Variants in SLC30A6 observed in about 807,000 individuals in gnomAD.
SLC30A6 encodes the protein zinc transporter 6.
Under a neutral mutation model 63.0 loss-of-function variants are expected in SLC30A6, and 55 were observed. That is an observed-to-expected ratio of 0.87 (90% confidence interval 0.70 to 1.09). The LOEUF is 1.09. Ranked by LOEUF, SLC30A6 falls within the 50% of genes least tolerant of loss-of-function variation. SLC30A6 has a pLI of 0.00. For missense variants in SLC30A6, 587 were observed against 549.2 expected (o/e 1.07, Z -0.69); for synonymous variants, 224 against 186.1 (o/e 1.20, Z -1.66).
At chr2:32,211,157 T>C (rs1685222789) in intron 13 of SLC30A6, among the ~76,000 whole-genome samples, 1 of 152,218 alleles carries the variant, frequency 6.6e-6, no homozygotes, top group Non-Finnish European at 1.5e-5. Flanking sequence ...GGTCGCTTGC[T>C]CCTCGACTGT....
At position 32,216,473 on chromosome 2, in the gene SLC30A6, T is replaced by G. The variant is rs192178498; in HGVS notation, c.886-3740T>G. ...ATTGTTTGAACCCAGGAGGTGGAGG[T>G]TGCTGTGAGCTGACATTGCGCCACT... On this transcript the variant is annotated intron_variant, in intron 13 of 13. Transcript: ENST00000282587. Among the ~76,000 whole-genome samples the G allele has an allele frequency of 2.7e-3, 411 of 151,752 alleles. 5 individuals carry two copies. The highest frequency in any genetic ancestry group is 8.8e-3 in the Admixed American group (133 of 15,188).
chr2:32,174,424 C>G (rs1351607092), intron 3 of SLC30A6, among the ~76,000 whole-genome samples: 2 of 151,976 alleles, frequency 1.3e-5, no homozygotes, highest in African/African-American at 2.4e-5. Context: ...AAATCCTGAG[C>G]TCAAACGATC....
intron 8 of SLC30A6, among the ~76,000 whole-genome samples, chr2:32,195,181 C>T (rs1248822947): frequency 7.0e-6 from 1 of 142,848 alleles, no homozygotes. Flanking sequence ...CTCACTGCAA[C>T]CTCTGCCTCC....
chr2:32,203,168 A>G lies in SLC30A6; in HGVS notation c.666-1422A>G, dbSNP rs1039333460. The G allele has an allele frequency of 3.2e-6, 4 of 1,244,586 alleles. No individual in the cohort carries two copies. In the African/African-American group the frequency reaches 5.9e-5, roughly 18 times the overall value. The allele number at this position is 1,244,586 out of a possible 1,614,324, so 77.1% of individuals were successfully genotyped here. ...CTGCCTGTGGTTTGGACATTCCTGA[A>G]GTTGACCTGGTGATTCATGGTTCTC... On this transcript the variant is annotated intron_variant, in intron 10 of 13. Coordinates refer to ENST00000282587, the MANE Select transcript of SLC30A6 (RefSeq NM_017964.5).
At position 32,223,788 on chromosome 2, in the gene SLC30A6, G is replaced by A. The variant is rs1290820621; in HGVS notation, c.*3075G>A. On this transcript the variant is annotated 3_prime_UTR_variant, in exon 14 of 14. Transcript: ENST00000282587. ...TTTCTTTGTAAGGAAGGGTTATTTG[G>A]GGAAGTGTTGGAAAAAAGATTAGGG... 1 of 152,108 alleles carries A rather than the reference G, an allele frequency of 6.6e-6. No homozygotes were observed. Among genetic ancestry groups the A allele is most frequent in the East Asian group, 1.9e-4 (1 of 5,194 alleles). 9.4% of individuals were successfully genotyped at this position (152,108 alleles called of 1,614,324 possible).
chr2:32,170,080 G>C (rs961768995), intron 1 of SLC30A6, among the ~76,000 whole-genome samples: 1 of 151,752 alleles, frequency 6.6e-6, no homozygotes, highest in Non-Finnish European at 1.5e-5. Context: ...TATTACATTC[G>C]CCCATGAAAT....
At chr2:32,203,638 A>G (rs1340038119) in intron 10 of SLC30A6, 6 of 1,570,200 alleles carry the variant, frequency 3.8e-6, no homozygotes, top group East Asian at 2.2e-5. Context: ...AAAGCTGAGT[A>G]GTAATGCAGT....
At chr2:32,189,026 A>G (rs1683085579) in intron 5 of SLC30A6, among the ~76,000 whole-genome samples, 1 of 152,202 alleles carries the variant, frequency 6.6e-6, no homozygotes, top group Non-Finnish European at 1.5e-5. Flanking sequence ...GGACATTTAG[A>G]TGACTTTCAC....
chr2:32,195,369 T>A (rs145270529), intron 8 of SLC30A6, among the ~76,000 whole-genome samples: 182 of 152,302 alleles, frequency 1.2e-3, no homozygotes, highest in African/African-American at 4.3e-3. Flanking sequence ...TCCGGCCATG[T>A]CTGGCTTTTT....
At chr2:32,166,533 C>G (rs1380801399) in intron 1 of SLC30A6, among the ~76,000 whole-genome samples, 1 of 152,230 alleles carries the variant, frequency 6.6e-6, no homozygotes, top group Non-Finnish European at 1.5e-5. Context: ...GGTGTTTTCT[C>G]TCAAATTTGT....
chr2:32,185,355 CAA>C (rs35740497), intron 5 of SLC30A6, among the ~76,000 whole-genome samples: 11 of 112,350 alleles, frequency 9.8e-5, no homozygotes, highest in Admixed American at 9.5e-5. Flanking sequence ...GACCCTGTCT[CAA>C]AAAAAAAAAA....
chr2:32,167,531 A>G (rs903878717), intron 1 of SLC30A6, among the ~76,000 whole-genome samples: 16 of 151,912 alleles, frequency 1.1e-4, no homozygotes, highest in Non-Finnish European at 2.1e-4. Context: ...TCTGTTCTCT[A>G]TCGGCTGTCC....
intron 11 of SLC30A6, among the ~76,000 whole-genome samples, chr2:32,206,228 C>T (rs1377316784): frequency 2.6e-5 from 4 of 151,792 alleles, no homozygotes; most frequent in African/African-American, 4.8e-5. Context: ...GGTTAGATGA[C>T]GAGGTCAGGA....
At chr2:32,190,731 T>G (rs1683254662) in intron 5 of SLC30A6, among the ~76,000 whole-genome samples, 1 of 152,126 alleles carries the variant, frequency 6.6e-6, no homozygotes, top group African/African-American at 2.4e-5. Context: ...TTCAAGCAAT[T>G]CTCGTGCCTC....
chr2:32,210,535 A>C (rs921277089), intron 13 of SLC30A6, among the ~76,000 whole-genome samples: 6 of 132,740 alleles, frequency 4.5e-5, no homozygotes, highest in South Asian at 2.4e-4. Context: ...AAAAAAAAAA[A>C]AAACAACAGA....
intron 10 of SLC30A6, among the ~76,000 whole-genome samples, chr2:32,199,459 G>C (rs973589941): frequency 6.6e-6 from 1 of 151,686 alleles, no homozygotes; most frequent in African/African-American, 2.4e-5. Flanking sequence ...TATATTTATG[G>C]GGTACATGAG....
At chr2:32,192,783 T>A (rs1683448269) in intron 6 of SLC30A6, 135 bp from the exon 7 acceptor site, 1 of 537,272 alleles carries the variant, frequency 1.9e-6, no homozygotes, top group Non-Finnish European at 3.2e-6. Flanking sequence ...TCTCCTTGCC[T>A]CATCACTGCT....
chr2:32,224,243 T>G lies in SLC30A6; in HGVS notation c.*3530T>G. ...GTTAATATGCATTCAGTATACCAGT[T>G]GGTGTGACCCAGACCAAAGGTAACA... On this transcript the variant is annotated 3_prime_UTR_variant, in exon 14 of 14. Coordinates refer to ENST00000282587, the MANE Select transcript of SLC30A6 (RefSeq NM_017964.5). 3 of 449,146 alleles carry G rather than the reference T, an allele frequency of 6.7e-6. No homozygotes were observed. Among genetic ancestry groups the G allele is most frequent in the Non-Finnish European group, 1.2e-5 (3 of 254,508 alleles). The allele number at this position is 449,146 out of a possible 1,614,324, so 27.8% of individuals were successfully genotyped here.
chr2:32,168,191 G>T (rs1165796443), intron 1 of SLC30A6, among the ~76,000 whole-genome samples: 1 of 151,304 alleles, frequency 6.6e-6, no homozygotes, highest in Non-Finnish European at 1.5e-5. Context: ...TGTGAAAACA[G>T]TACTTTCTTA....
Sources: allele counts gnomAD v4.1 joint callset (sites outside exome capture counted in the v4.1 genomes callset), GRCh38; gene constraint gnomAD v4.1.1; transcripts MANE v1.5; gene names NCBI Gene and HGNC (gene_info 2026-07-23, HGNC 2026-07-21).